The following GNAI3 variants were observed in gnomAD, a reference collection of about 807,000 sequenced individuals.
GNAI3 encodes G protein subunit alpha i3, also known as guanine nucleotide-binding protein G(i) subunit alpha-3.
In GNAI3, 12 loss-of-function variants were observed where a neutral mutation model predicts 41.8. The observed-to-expected ratio is 0.29, with a 90% CI of 0.18 to 0.47. The LOEUF is 0.47. Among genes scored for constraint, GNAI3 ranks in the 20% least tolerant of loss-of-function variants. The pLI is 1.00. For synonymous variants in GNAI3, 132 were observed against 146.5 expected (o/e 0.90, Z 0.71); for missense variants, 360 against 429.6 (o/e 0.84, Z 1.43).
intron 1 of GNAI3, among the ~76,000 whole-genome samples, chr1:109,550,080 C>G (rs1399880511): frequency 1.3e-5 from 2 of 152,082 alleles, no homozygotes; most frequent in African/African-American, 4.8e-5. Context: ...TAGAAATTTA[C>G]TTTTTAAAAC....
At chr1:109,570,733 G>A (rs1648573004) in intron 1 of GNAI3, among the ~76,000 whole-genome samples, 1 of 152,214 alleles carries the variant, frequency 6.6e-6, no homozygotes, top group South Asian at 2.1e-4. Context: ...CAAGAGCTGT[G>A]AGGACAAAGT....
chr1:109,575,534 CTTTTTTTTTT>C (rs747890363), intron 3 of GNAI3, among the ~76,000 whole-genome samples: 1 of 52,854 alleles, frequency 1.9e-5, no homozygotes, highest in East Asian at 6.2e-4. Context: ...CCTTTCATTT[CTTTTTTTTTT>C]TTTTTTTTTT....
At chr1:109,563,441 T>C (rs184374697) in intron 1 of GNAI3, among the ~76,000 whole-genome samples, 1,616 of 152,256 alleles carry the variant, frequency 0.011, 9 homozygotes, top group Non-Finnish European at 0.017. Flanking sequence ...ATCCCTGTCC[T>C]TGCTCACAAA....
At chr1:109,569,034 G>A (rs1029443923) in intron 1 of GNAI3, among the ~76,000 whole-genome samples, 1 of 152,092 alleles carries the variant, frequency 6.6e-6, no homozygotes, top group African/African-American at 2.4e-5. Flanking sequence ...TTTATTCTCT[G>A]CAGATTGCCT....
At position 109,592,177 on chromosome 1, in the gene GNAI3, G is replaced by A; in HGVS notation, c.1009G>A (p.Asp337Asn). 1 of 1,613,464 alleles carries A rather than the reference G, an allele frequency of 6.2e-7. No homozygotes were observed. Among genetic ancestry groups the A allele is most frequent in the Non-Finnish European group, 8.5e-7 (1 of 1,179,434 alleles). The change falls in exon 8 of 9, where the codon GAT becomes AAT. Residue 337 changes from aspartate to asparagine, a missense_variant. Coordinates refer to ENST00000369851, the MANE Select transcript of GNAI3 (RefSeq NM_006496.4). ...TDTKNVQFVF[D>N]AVTDVIIKNN... is the part of the protein sequence containing the mutation. ...CACGAAGAATGTGCAGTTTGTTTTT[G>A]ATGCTGTTACAGATGTCATCATTAA...
At chr1:109,564,587 C>A (rs561768491) in intron 1 of GNAI3, among the ~76,000 whole-genome samples, 1 of 152,246 alleles carries the variant, frequency 6.6e-6, no homozygotes, top group South Asian at 2.1e-4. Flanking sequence ...CCACATGTAT[C>A]TCCTAGTGCA....
At chr1:109,588,760 G>A (rs1423451003) in intron 7 of GNAI3, among the ~76,000 whole-genome samples, 3 of 152,004 alleles carry the variant, frequency 2.0e-5, no homozygotes, top group Non-Finnish European at 4.4e-5. Flanking sequence ...GGGCATGGTG[G>A]TGTGCGCCTG....
At chr1:109,548,980 T>C in intron 1 of GNAI3, 142 bp downstream of exon 1, 1 of 597,232 alleles carries the variant, frequency 1.7e-6, no homozygotes, top group East Asian at 3.0e-5. Flanking sequence ...GGTGTTGGGG[T>C]TCCTAGCTGA....
intron 1 of GNAI3, among the ~76,000 whole-genome samples, chr1:109,573,507 G>A (rs565800082): frequency 1.2e-4 from 19 of 152,210 alleles, no homozygotes; most frequent in South Asian, 2.1e-4. Context: ...ATGATACCAA[G>A]CAAGCCCTAG....
At chr1:109,564,988 C>T (rs1187004618) in intron 1 of GNAI3, among the ~76,000 whole-genome samples, 2 of 152,008 alleles carry the variant, frequency 1.3e-5, no homozygotes, top group South Asian at 2.1e-4. Context: ...CATAGCCAGG[C>T]GCGGTGGCTC....
intron 4 of GNAI3, among the ~76,000 whole-genome samples, chr1:109,582,028 T>C (rs890980388): frequency 1.3e-5 from 2 of 152,156 alleles, no homozygotes; most frequent in African/African-American, 4.8e-5. Flanking sequence ...GGGGTCTCAC[T>C]CTGTCACTCA....
Position 109,582,518 on chromosome 1 carries a change from C to A in GNAI3, c.543C>A (p.Thr181=). 6.2e-7 allele frequency: 1 copy of A among 1,603,854 alleles called. No homozygotes were observed. Among genetic ancestry groups the A allele is most frequent in the Non-Finnish European group, 8.5e-7 (1 of 1,170,710 alleles). The change falls in exon 5 of 9, where the codon ACC becomes ACA. Residue 181 remains threonine, a synonymous_variant. Transcript: ENST00000369851. The part of the protein sequence containing the change: ...QQDVLRTRVK[T]TGIVETHFTF... ...ATGTTCTTCGGACGAGAGTGAAGAC[C>A]ACAGGCATTGTAGAAACACATTTCA...
At chr1:109,561,312 A>G (rs1006470627) in intron 1 of GNAI3, among the ~76,000 whole-genome samples, 5 of 152,220 alleles carry the variant, frequency 3.3e-5, no homozygotes, top group South Asian at 2.1e-4. Context: ...AGATTTACAG[A>G]AAAGTTGCAG....
chr1:109,573,834 G>A (rs959752049), intron 2 of GNAI3, 55 bp downstream of exon 2: 1 of 1,591,816 alleles, frequency 6.3e-7, no homozygotes, highest in Non-Finnish European at 8.6e-7. Flanking sequence ...TGCATATAAA[G>A]TCCATAGTAT....
At chr1:109,557,442 G>A (rs1230547983) in intron 1 of GNAI3, among the ~76,000 whole-genome samples, 1 of 152,096 alleles carries the variant, frequency 6.6e-6, no homozygotes, top group Non-Finnish European at 1.5e-5. Context: ...GAATGCTAAA[G>A]TGTTTTTGCC....
In GNAI3 at chr1:109,594,309, T is replaced by G. The variant is rs941316506; in HGVS notation, c.*1987T>G. 1.5e-4 allele frequency: 22 copies of G among 150,302 alleles called. No homozygotes were observed. The highest frequency in any genetic ancestry group is 2.1e-4 in the Non-Finnish European group (14 of 67,326). The allele number at this position is 150,302 out of a possible 1,614,324, so 9.3% of individuals were successfully genotyped here. On this transcript the variant is annotated 3_prime_UTR_variant, in exon 9 of 9. Coordinates refer to ENST00000369851, the MANE Select transcript of GNAI3 (RefSeq NM_006496.4). Reference sequence around the variant, plus strand: ...TATACTGTGGACTAATGAAATGGTGTTGTTGATAATCTAAAATAACCAATA... The same window carrying G: ...TATACTGTGGACTAATGAAATGGTGGTGTTGATAATCTAAAATAACCAATA...
chr1:109,570,322 T>G (rs992711247), intron 1 of GNAI3, among the ~76,000 whole-genome samples: 30 of 152,250 alleles, frequency 2.0e-4, no homozygotes, highest in Non-Finnish European at 7.3e-5. Flanking sequence ...GAGAAATATT[T>G]AGTAAAGAAT....
chr1:109,578,318 A>G (rs1648801454), intron 3 of GNAI3, among the ~76,000 whole-genome samples: 1 of 151,984 alleles, frequency 6.6e-6, no homozygotes, highest in African/African-American at 2.4e-5. Flanking sequence ...AAAAATAGAA[A>G]AATTAGCTGG....
intron 1 of GNAI3, among the ~76,000 whole-genome samples, chr1:109,551,897 C>T (rs2101087083): frequency 6.6e-6 from 1 of 152,108 alleles, no homozygotes; most frequent in East Asian, 1.9e-4. Flanking sequence ...CGTGGTGGCT[C>T]CTGGCTGTAA....
Sources: gnomAD v4.1 joint callset for allele counts (sites outside exome capture counted in the v4.1 genomes callset) on GRCh38, gnomAD v4.1.1 for gene constraint, MANE v1.5 for transcripts, NCBI Gene and HGNC (gene_info 2026-07-23, HGNC 2026-07-21) for gene names.